The following KCTD8 variants were observed in gnomAD, a reference collection of about 807,000 sequenced individuals.
KCTD8 encodes BTB/POZ domain-containing protein KCTD8.
In KCTD8, 27 loss-of-function variants were observed where a neutral mutation model predicts 31.5. That is an observed-to-expected ratio of 0.86 (90% CI 0.63 to 1.18). KCTD8 has a LOEUF of 1.18. Ranked by LOEUF, KCTD8 falls within the 50% of genes most tolerant of loss-of-function variation. KCTD8 has a pLI of 0.00. For missense variants in KCTD8, 658 were observed against 647.7 expected, an observed-to-expected ratio of 1.02 and a Z score of -0.17; for synonymous variants, 290 against 280.0, an observed-to-expected ratio of 1.04 and a Z score of -0.36.
intron 1 of KCTD8, among the ~76,000 whole-genome samples, chr4:44,184,011 T>G (rs146639380): frequency 7.2e-4 from 110 of 152,294 alleles, no homozygotes; most frequent in African/African-American, 2.5e-3. Flanking sequence ...TCACAAACAT[T>G]TACTGAGCAC....
intron 1 of KCTD8, among the ~76,000 whole-genome samples, chr4:44,382,677 T>A (rs1720101325): frequency 6.7e-6 from 1 of 149,994 alleles, no homozygotes; most frequent in Non-Finnish European, 1.5e-5. Flanking sequence ...TTGCAGTGAG[T>A]TGAAATTGCA....
intron 1 of KCTD8, among the ~76,000 whole-genome samples, chr4:44,213,354 T>C (rs998958251): frequency 3.3e-5 from 5 of 152,324 alleles, no homozygotes; most frequent in Middle Eastern, 3.4e-3. Context: ...GTAAATTTAC[T>C]ATGAACATGT....
At chr4:44,416,255 G>A (rs1354352635) in intron 1 of KCTD8, among the ~76,000 whole-genome samples, 1 of 152,158 alleles carries the variant, frequency 6.6e-6, no homozygotes, top group East Asian at 1.9e-4. Flanking sequence ...TACTACCACT[G>A]GATCTTGGAA....
At chr4:44,262,676 A>G (rs1716217510) in intron 1 of KCTD8, among the ~76,000 whole-genome samples, 1 of 152,066 alleles carries the variant, frequency 6.6e-6, no homozygotes, top group Admixed American at 6.6e-5. Context: ...GAATAAAATA[A>G]CTGTTATAGT....
At chr4:44,428,098 T>C (rs997410760) in intron 1 of KCTD8, among the ~76,000 whole-genome samples, 1 of 151,746 alleles carries the variant, frequency 6.6e-6, no homozygotes, top group Non-Finnish European at 1.5e-5. Flanking sequence ...TGAAACATGA[T>C]GGAAATTAGT....
intron 1 of KCTD8, among the ~76,000 whole-genome samples, chr4:44,440,252 T>C (rs1721784399): frequency 6.6e-6 from 1 of 152,116 alleles, no homozygotes; most frequent in Admixed American, 6.5e-5. Flanking sequence ...AATTTAAATA[T>C]AAAGAAGTGT....
intron 1 of KCTD8, among the ~76,000 whole-genome samples, chr4:44,367,981 C>T (rs2109434297): frequency 6.6e-6 from 1 of 152,102 alleles, no homozygotes; most frequent in African/African-American, 2.4e-5. Flanking sequence ...CTGATATGGA[C>T]AGTCATGCCC....
intron 1 of KCTD8, among the ~76,000 whole-genome samples, chr4:44,388,080 T>C (rs1720270384): frequency 6.7e-6 from 1 of 148,170 alleles, no homozygotes; most frequent in Admixed American, 6.7e-5. Flanking sequence ...AAAGAAGACA[T>C]ACAAGACAAC....
chr4:44,311,328 T>A (rs764073711), intron 1 of KCTD8, among the ~76,000 whole-genome samples: 4 of 152,096 alleles, frequency 2.6e-5, no homozygotes, highest in African/African-American at 4.8e-5. Context: ...CTTCTCCAAA[T>A]CATTTTCTCT....
intron 1 of KCTD8, among the ~76,000 whole-genome samples, chr4:44,195,563 C>T (rs1199097029): frequency 2.0e-5 from 3 of 152,084 alleles, no homozygotes; most frequent in African/African-American, 4.8e-5. Context: ...TTATTGGTTT[C>T]GTTCTACTGA....
intron 1 of KCTD8, among the ~76,000 whole-genome samples, chr4:44,341,398 C>T (rs1482168659): frequency 2.0e-5 from 3 of 152,174 alleles, no homozygotes; most frequent in African/African-American, 7.2e-5. Flanking sequence ...TTTACAAAGG[C>T]TTTCTCTGTA....
chr4:44,371,552 A>G (rs1719786247), intron 1 of KCTD8, among the ~76,000 whole-genome samples: 1 of 152,226 alleles, frequency 6.6e-6, no homozygotes, highest in Non-Finnish European at 1.5e-5. Context: ...GTATATTATC[A>G]AAGGATATTG....
chr4:44,267,425 G>A (rs1405251381), intron 1 of KCTD8, among the ~76,000 whole-genome samples: 3 of 152,136 alleles, frequency 2.0e-5, no homozygotes, highest in African/African-American at 2.4e-5. Flanking sequence ...AGCACTAAAT[G>A]CCCACAAGAG....
chr4:44,341,524 T>C (rs1577625604), intron 1 of KCTD8, among the ~76,000 whole-genome samples: 1 of 152,246 alleles, frequency 6.6e-6, no homozygotes, highest in Non-Finnish European at 1.5e-5. Flanking sequence ...ATAGTCTAAA[T>C]GCTTTGTTGT....
At chr4:44,439,900 TTTTATTTATTTATTTATTTA>T (rs59211244) in intron 1 of KCTD8, among the ~76,000 whole-genome samples, 1 of 133,370 alleles carries the variant, frequency 7.5e-6, no homozygotes, top group Admixed American at 7.4e-5. Context: ...AATCATTTAT[TTTTATTTATTTATTTATTTA>T]TTTATTTATT....
rs1015349936 is a variant in KCTD8 at position 44,362,492 on chromosome 4, A to C, written c.961+85071T>G. Reference sequence around the variant, plus strand: ...CAAAACAATACAGAATGGCTCCTATAATAATATGAGCAGGGTAGCATTTGT... The same window carrying C: ...CAAAACAATACAGAATGGCTCCTATCATAATATGAGCAGGGTAGCATTTGT... On this transcript the variant is annotated intron_variant, in intron 1 of 1. Transcript: ENST00000360029. Among the ~76,000 whole-genome samples, 14 of 152,066 alleles carry C rather than the reference A, an allele frequency of 9.2e-5. 1 individual carries two copies. Among genetic ancestry groups the C allele is most frequent in the Non-Finnish European group, 1.5e-5 (1 of 67,974 alleles).
intron 1 of KCTD8, among the ~76,000 whole-genome samples, chr4:44,275,202 T>A (rs1412621183): frequency 6.6e-6 from 1 of 151,948 alleles, no homozygotes; most frequent in Middle Eastern, 3.2e-3. Context: ...TGACTAGAGA[T>A]AATAGGCATA....
intron 1 of KCTD8, among the ~76,000 whole-genome samples, chr4:44,216,695 GA>G (rs200835630): frequency 5.9e-4 from 89 of 151,356 alleles, no homozygotes; most frequent in African/African-American, 1.9e-3. Context: ...AATATCAAAA[GA>G]AAAAAAAATT....
At chr4:44,302,471 T>A (rs1456849173) in intron 1 of KCTD8, among the ~76,000 whole-genome samples, 1 of 152,168 alleles carries the variant, frequency 6.6e-6, no homozygotes, top group Non-Finnish European at 1.5e-5. Context: ...TTTTATTCTC[T>A]TTGAAGCCAT....
Sources: gnomAD v4.1 joint callset for allele counts (sites outside exome capture counted in the v4.1 genomes callset) on GRCh38, gnomAD v4.1.1 for gene constraint, MANE v1.5 for transcripts, NCBI Gene and HGNC (gene_info 2026-07-23, HGNC 2026-07-21) for gene names.